KBTBD2: variants seen among roughly 807,000 people sequenced by gnomAD.
The protein encoded by KBTBD2 is kelch repeat and BTB domain-containing protein 2.
KBTBD2 carries 17 observed loss-of-function variants against 57.1 expected under a neutral mutation model. The observed-to-expected ratio is 0.30, with a 90% CI of 0.20 to 0.45. KBTBD2 has a LOEUF of 0.45. Among genes scored for constraint, KBTBD2 ranks in the 20% least tolerant of loss-of-function variants. The probability of loss-of-function intolerance (pLI) is 1.00; values close to 1 mark genes in which losing one functional copy is unlikely to be tolerated. For synonymous variants in KBTBD2, 267 were observed against 262.7 expected, an observed-to-expected ratio of 1.02 and a Z score of -0.16; for missense variants, 515 against 750.6, an observed-to-expected ratio of 0.69 and a Z score of 3.67.
intron 1 of KBTBD2, among the ~76,000 whole-genome samples, chr7:32,880,348 TAC>T (rs543249990): frequency 1.1e-4 from 17 of 152,250 alleles, no homozygotes; most frequent in African/African-American, 3.4e-4. Flanking sequence ...CCTGCTCTCC[TAC>T]ACAGAGATTT....
chr7:32,876,880 C>T (rs1361348210), intron 2 of KBTBD2, among the ~76,000 whole-genome samples: 1 of 152,064 alleles, frequency 6.6e-6, no homozygotes, highest in African/African-American at 2.4e-5. Flanking sequence ...TCACTTGAAC[C>T]CGGGAGGCAG....
At position 32,876,932 on chromosome 7, in the gene KBTBD2, G is replaced by A. The variant is rs559925862; in HGVS notation, c.171-1775C>T. On this transcript the variant is annotated intron_variant, in intron 2 of 3. Coordinates refer to ENST00000304056, the MANE Select transcript of KBTBD2 (RefSeq NM_015483.3). ...AGATCGAGCCACTGCACTCCAACCCGGGCAACAAAAGTGAAACTCCACCTC... is the reference window on the plus strand; with the variant it reads ...AGATCGAGCCACTGCACTCCAACCCAGGCAACAAAAGTGAAACTCCACCTC... Among the ~76,000 whole-genome samples the A allele has an allele frequency of 8.5e-5, 13 of 152,074 alleles. No homozygotes were observed. In the East Asian group the frequency reaches 1.7e-3, roughly 20 times the overall value.
At position 32,868,698 on chromosome 7, in the gene KBTBD2, T is replaced by C. The variant is rs1304631364; in HGVS notation, c.*647A>G. 2 of 152,618 alleles carry C rather than the reference T, an allele frequency of 1.3e-5. No individual in the cohort carries two copies. The highest frequency in any genetic ancestry group is 2.9e-5 in the Non-Finnish European group (2 of 68,044). 9.5% of individuals were successfully genotyped at this position (152,618 alleles called of 1,614,324 possible). On this transcript the variant is annotated 3_prime_UTR_variant, in exon 4 of 4. Transcript: ENST00000304056. The stretch of plus-strand genomic sequence containing the variant: ...CCTAGCAACTTAAGTCCACACCTGG[T>C]AAATGACCAGCTGACTGGAAGACCT...
In KBTBD2 at chr7:32,891,646, T is replaced by A. The variant is rs1201012564; in HGVS notation, c.-449A>T. On this transcript the variant is annotated 5_prime_UTR_variant, in exon 1 of 4. Transcript: ENST00000304056. ...GTGGCCCTCCCGCCGCGGCCTCGCC[T>A]GGGGTCTCGCCTCCGCCTCCGGCCG... 4.1e-5 allele frequency: 6 copies of A among 148,090 alleles called. No homozygotes were observed. Among genetic ancestry groups the A allele is most frequent in the Non-Finnish European group, 5.9e-5 (4 of 67,234 alleles). 9.2% of individuals were successfully genotyped at this position (148,090 alleles called of 1,614,324 possible). A position where few individuals can be genotyped will look rare whatever the true frequency, so the allele number is the denominator to read the frequency against.
intron 2 of KBTBD2, among the ~76,000 whole-genome samples, chr7:32,876,136 G>T (rs1452385038): frequency 6.6e-6 from 1 of 152,150 alleles, no homozygotes; most frequent in Non-Finnish European, 1.5e-5. Context: ...ATGATGGAAA[G>T]GCAACTGGCA....
chr7:32,869,286 G>A lies in KBTBD2; in HGVS notation c.*59C>T. 7.9e-7 allele frequency: 1 copy of A among 1,265,968 alleles called. No individual in the cohort carries two copies. The highest frequency in any genetic ancestry group is 1.1e-6 in the Non-Finnish European group (1 of 909,854). 78.4% of individuals were successfully genotyped at this position (1,265,968 alleles called of 1,614,324 possible). ...ATTTAGTTCTTTCATAGCCTCTTTT[G>A]TTTAGCAAAGAAAATGACAAAGCAC... On this transcript the variant is annotated 3_prime_UTR_variant, in exon 4 of 4. Transcript: ENST00000304056.
intron 1 of KBTBD2, among the ~76,000 whole-genome samples, chr7:32,886,771 G>T (rs1323760228): frequency 6.6e-6 from 1 of 152,104 alleles, no homozygotes; most frequent in Non-Finnish European, 1.5e-5. Flanking sequence ...TATCAGCAAA[G>T]AAAATTTACA....
chr7:32,881,675 T>C (rs764964207), intron 1 of KBTBD2, among the ~76,000 whole-genome samples: 1 of 152,214 alleles, frequency 6.6e-6, no homozygotes, highest in Non-Finnish European at 1.5e-5. Context: ...CAGAACAGCA[T>C]GTCACACTAT....
rs777132673 is a variant in KBTBD2, at chr7:32,875,165, G to A, written c.171-8C>T. On this transcript the variant is annotated splice_polypyrimidine_tract_variant and splice_region_variant and intron_variant, in intron 2 of 3. Coordinates refer to ENST00000304056, the MANE Select transcript of KBTBD2 (RefSeq NM_015483.3). The stretch of plus-strand genomic sequence containing the variant: ...CCACTCATAAACATGGCCCTACAGG[G>A]GAGATGAAGAAAACAAAGTTGTAAG... 1.2e-5 allele frequency: 20 copies of A among 1,611,270 alleles called. No individual in the cohort carries two copies. In the South Asian group the frequency reaches 2.0e-4, roughly 16 times the overall value.
At chr7:32,878,145 G>A (rs928951870) in intron 2 of KBTBD2, among the ~76,000 whole-genome samples, 3 of 151,712 alleles carry the variant, frequency 2.0e-5, no homozygotes, top group East Asian at 1.9e-4. Flanking sequence ...GCATAGCAAA[G>A]GCAACAACTG....
In KBTBD2 at chr7:32,875,128, C is replaced by T; in HGVS notation, c.200G>A (p.Ser67Asn). 1.2e-6 allele frequency: 2 copies of T among 1,614,114 alleles called. No individual in the cohort carries two copies. Among genetic ancestry groups the T allele is most frequent in the Non-Finnish European group, 1.7e-6 (2 of 1,179,970 alleles). ...CCTCAGGTGTACATGGGTTTGTTTG[C>T]TTTCACTTAGTCCACTCATAAACAT... is the stretch of plus-strand genomic sequence containing the variant. ...RAMFMSGLSE[S>N]KQTHVHLRNV... is the part of the protein sequence containing the mutation. The change falls in exon 3 of 4, where the codon AGC becomes AAC. Residue 67 changes from serine (S) to asparagine (N), a missense_variant. Ser to Asn is a conservative substitution (Grantham distance 46, BLOSUM62 1). Transcript: ENST00000304056.
At chr7:32,873,791 C>T (rs1784240191) in intron 3 of KBTBD2, among the ~76,000 whole-genome samples, 2 of 152,108 alleles carry the variant, frequency 1.3e-5, no homozygotes, top group Admixed American at 6.5e-5. Flanking sequence ...GGTAGTAAAA[C>T]ACACGAAACC....
intron 1 of KBTBD2, among the ~76,000 whole-genome samples, chr7:32,884,204 T>C (rs191773138): frequency 2.6e-5 from 4 of 152,250 alleles, no homozygotes; most frequent in Admixed American, 1.3e-4. Context: ...ATGCAATGAT[T>C]ACCTGATTTT....
upstream of KBTBD2, chr7:32,891,928 C>A (rs1784769226): frequency 7.0e-6 from 1 of 142,334 alleles, no homozygotes; most frequent in African/African-American, 2.5e-5. Context: ...CTCGCCCCCG[C>A]CCGCGGCCCG....
rs1189686711 is a variant in KBTBD2, at chr7:32,875,092, G to C, written c.236C>G (p.Ala79Gly). 9 of 1,613,994 alleles carry C rather than the reference G, an allele frequency of 5.6e-6. No homozygotes were observed. The highest frequency in any genetic ancestry group is 6.8e-6 in the Non-Finnish European group (8 of 1,179,954). The change falls in exon 3 of 4, where the codon GCT becomes GGT. Residue 79 changes from alanine (A) to glycine (G), a missense_variant. Ala to Gly is a moderately conservative substitution (Grantham distance 60). Transcript: ENST00000304056. ...AGTTATTATTATCTGTAAGGTGGCAGCATCGACATTCCTCAGGTGTACATG... is the reference window on the plus strand; with the variant it reads ...AGTTATTATTATCTGTAAGGTGGCACCATCGACATTCCTCAGGTGTACATG... ...QTHVHLRNVD[A>G]ATLQIIITYA...
intron 1 of KBTBD2, among the ~76,000 whole-genome samples, chr7:32,889,000 G>A (rs1784657904): frequency 6.6e-6 from 1 of 152,110 alleles, no homozygotes. Flanking sequence ...TCTCACCTCT[G>A]CGCAGTGACT....
intron 2 of KBTBD2, among the ~76,000 whole-genome samples, chr7:32,875,888 G>A (rs1309848323): frequency 6.6e-6 from 1 of 152,152 alleles, no homozygotes; most frequent in African/African-American, 2.4e-5. Context: ...AGAACTGTAA[G>A]AATGGGGTCT....
chr7:32,876,352 T>C (rs1438717973), intron 2 of KBTBD2, among the ~76,000 whole-genome samples: 2 of 152,164 alleles, frequency 1.3e-5, no homozygotes, highest in South Asian at 2.1e-4. Flanking sequence ...TCAAGGGGCA[T>C]AGCTTGAACA....
intron 1 of KBTBD2, among the ~76,000 whole-genome samples, chr7:32,887,778 G>T (rs147054815): frequency 6.6e-6 from 1 of 152,302 alleles, no homozygotes; most frequent in East Asian, 1.9e-4. Context: ...TTGGGTTAAA[G>T]CCCCAGTTCT....
Sources: gnomAD v4.1 joint callset for allele counts (sites outside exome capture counted in the v4.1 genomes callset) on GRCh38, gnomAD v4.1.1 for gene constraint, MANE v1.5 for transcripts, NCBI Gene and HGNC (gene_info 2026-07-23, HGNC 2026-07-21) for gene names.